The following ZNF831 variants were observed in gnomAD, a reference collection of about 807,000 sequenced individuals.
The protein encoded by ZNF831 is zinc finger protein 831, also known as chromosome 20 open reading frame 174.
ZNF831 carries 59 observed loss-of-function variants against 95.8 expected under a neutral mutation model. The ratio of observed to expected loss-of-function variants is 0.62; its 90% CI spans 0.50 to 0.77. The LOEUF (loss-of-function observed/expected upper bound fraction) is 0.77. ZNF831 is among the 30% of genes least tolerant of loss of function. ZNF831 has a pLI of 0.00. For synonymous variants in ZNF831, 961 were observed against 925.5 expected (o/e 1.04, Z -0.70); for missense variants, 2,205 against 2,164.0 (o/e 1.02, Z -0.38).
chr20:59,158,868 G>T (rs138382738), upstream of ZNF831, among the ~76,000 whole-genome samples: 301 of 152,174 alleles, frequency 2.0e-3, no homozygotes, highest in African/African-American at 7.0e-3. Context: ...TCTTACATGC[G>T]CACGGGGCAT....
chr20:59,161,377 A>G (rs180720913), upstream of ZNF831, among the ~76,000 whole-genome samples: 104 of 152,000 alleles, frequency 6.8e-4, 1 homozygote, highest in Middle Eastern at 3.4e-3. Context: ...TCCTGGGTTC[A>G]AGCTATTATC....
chr20:59,194,092 G>A lies in ZNF831; in HGVS notation c.3073G>A (p.Asp1025Asn), dbSNP rs768044968. Residue 1025 changes from aspartate to asparagine, a missense_variant, in exon 2 of 6, where the codon GAC becomes AAC. Coordinates refer to ENST00000371030, the MANE Select transcript of ZNF831 (RefSeq NM_178457.3). The stretch of plus-strand genomic sequence containing the variant: ...GAGAAAAGGGGCACAGTTGGGGGGG[G>A]ACAAGGGGGACAGGATGGCCACTAG... The part of the protein sequence containing the change: ...DGRKGAQLGG[D>N]KGDRMATSRP... 3 of 1,545,820 alleles carry A rather than the reference G, an allele frequency of 1.9e-6. No homozygotes were observed. Among genetic ancestry groups the A allele is most frequent in the East Asian group, 2.3e-5 (1 of 44,352 alleles).
rs746279070 is a variant in ZNF831, at chr20:59,254,018, C to T, written c.4309C>T (p.Pro1437Ser). 2 of 1,613,988 alleles carry T rather than the reference C, an allele frequency of 1.2e-6. No individual in the cohort carries two copies. Among genetic ancestry groups the T allele is most frequent in the Non-Finnish European group, 1.7e-6 (2 of 1,180,030 alleles). The change falls in exon 6 of 6, where the codon CCT becomes TCT. Residue 1437 changes from proline to serine, a missense_variant. Coordinates refer to ENST00000371030, the MANE Select transcript of ZNF831 (RefSeq NM_178457.3). The surrounding 1 kb of genome is among the most constrained non-coding windows in gnomAD (Gnocchi z 4.5). ...AGTGGTTAATGACGTGCCTCTACCC[C>T]CTGGCAAAGGTCTTGACCTTGGGTT... ...LAVVNDVPLP[P>S]GKGLDLGLLE...
chr20:59,211,164 T>G (rs1424405413), intron 4 of ZNF831, among the ~76,000 whole-genome samples: 1 of 151,682 alleles, frequency 6.6e-6, no homozygotes, highest in Non-Finnish European at 1.5e-5. Flanking sequence ...GGAACACAGC[T>G]CCACCACCCC....
intron 1 of ZNF831, among the ~76,000 whole-genome samples, chr20:59,133,085 C>T (rs1176384308): frequency 7.1e-5 from 3 of 42,364 alleles, no homozygotes; most frequent in African/African-American, 2.0e-4. Context: ...CGTAGGATCA[C>T]TTTGGGCAGT....
chr20:59,195,381 A>G (rs889197631), intron 2 of ZNF831, among the ~76,000 whole-genome samples: 1 of 152,166 alleles, frequency 6.6e-6, no homozygotes, highest in Non-Finnish European at 1.5e-5. Context: ...GGCCGCGGCC[A>G]CTGAGGACGG....
At chr20:59,167,323 G>A (rs1452846370) in intron 1 of ZNF831, among the ~76,000 whole-genome samples, 1 of 151,278 alleles carries the variant, frequency 6.6e-6, no homozygotes, top group East Asian at 1.9e-4. Context: ...GTTCTGTATA[G>A]ATTTTAAATA....
chr20:59,175,231 G>C (rs1456301808), intron 1 of ZNF831, among the ~76,000 whole-genome samples: 1 of 150,838 alleles, frequency 6.6e-6, no homozygotes, highest in Non-Finnish European at 1.5e-5. Context: ...CTGGTGGTGG[G>C]GGTGGGGGTG....
In ZNF831 at chr20:59,206,957, C is replaced by A. The variant is rs199609181; in HGVS notation, c.3928C>A (p.Arg1310Ser). Residue 1310 changes from arginine to serine, a missense_variant, in exon 4 of 6, where the codon CGC becomes AGC. By Grantham distance (110) the Arg-to-Ser change is moderately radical. Transcript: ENST00000371030. ...SCVQLRASRL[R>S]TPTWVRRRSR... is the part of the protein sequence containing the mutation. The stretch of plus-strand genomic sequence containing the variant: ...TGTTCAGCTGAGAGCCAGTAGACTT[C>A]GCACACCAACCTGGGTGCGAAGAAG... The A allele has an allele frequency of 1.2e-5, 19 of 1,614,106 alleles. No individual in the cohort carries two copies. The highest frequency in any genetic ancestry group is 8.3e-5 in the Admixed American group (5 of 60,004).
At chr20:59,189,627 G>A (rs373029729) in intron 1 of ZNF831, among the ~76,000 whole-genome samples, 2 of 152,138 alleles carry the variant, frequency 1.3e-5, no homozygotes, top group South Asian at 2.1e-4. Flanking sequence ...TTCTCCTGCC[G>A]TATCCTCCTG....
At chr20:59,167,286 T>G (rs1408675744) in intron 1 of ZNF831, among the ~76,000 whole-genome samples, 2 of 151,680 alleles carry the variant, frequency 1.3e-5, no homozygotes, top group Non-Finnish European at 2.9e-5. Flanking sequence ...TTGTTGTTGG[T>G]TTTTTTTTAA....
Position 59,257,037 on chromosome 20 carries a change from T to G in ZNF831, c.*2294T>G, listed in dbSNP as rs1300230203. 1 of 152,112 alleles carries G rather than the reference T, an allele frequency of 6.6e-6. No individual in the cohort carries two copies. The highest frequency in any genetic ancestry group is 1.5e-5 in the Non-Finnish European group (1 of 68,106). 9.4% of individuals were successfully genotyped at this position (152,112 alleles called of 1,614,324 possible). On this transcript the variant is annotated 3_prime_UTR_variant, in exon 6 of 6. Coordinates refer to ENST00000371030, the MANE Select transcript of ZNF831 (RefSeq NM_178457.3). ...TCCTTTCTGGGTGGCTACTGTGGAATCAACGGGGTCACTGGCTGTAAATCA... is the reference window on the plus strand; with the variant it reads ...TCCTTTCTGGGTGGCTACTGTGGAAGCAACGGGGTCACTGGCTGTAAATCA...
At chr20:59,127,233 A>G (rs547998186) in intron 1 of ZNF831, among the ~76,000 whole-genome samples, 7 of 152,100 alleles carry the variant, frequency 4.6e-5, no homozygotes, top group African/African-American at 9.6e-5. Context: ...TCGCACCTCC[A>G]TCACTGTCTC....
intron 4 of ZNF831, among the ~76,000 whole-genome samples, chr20:59,250,526 C>T (rs1040777558): frequency 6.6e-6 from 1 of 151,972 alleles, no homozygotes; most frequent in Non-Finnish European, 1.5e-5. Context: ...ACATAAGCAG[C>T]GAAGATTGCT....
In ZNF831 at chr20:59,225,119, G is replaced by T. The variant is rs546862359; in HGVS notation, c.4027+18063G>T. ...TCATTTAAGTAATATTCCATTATAGGTTCAATGCATGTATATTTTTTTTAA... is the reference window on the plus strand; with the variant it reads ...TCATTTAAGTAATATTCCATTATAGTTTCAATGCATGTATATTTTTTTTAA... On this transcript the variant is annotated intron_variant, in intron 4 of 5. Coordinates refer to ENST00000371030, the MANE Select transcript of ZNF831 (RefSeq NM_178457.3). Among the ~76,000 whole-genome samples, 3 of 152,048 alleles carry T rather than the reference G, an allele frequency of 2.0e-5. No individual in the cohort carries two copies. In the East Asian group the frequency reaches 5.8e-4, roughly 29 times the overall value.
chr20:59,244,538 G>A (rs536756186), intron 4 of ZNF831, among the ~76,000 whole-genome samples: 5 of 152,146 alleles, frequency 3.3e-5, no homozygotes, highest in Middle Eastern at 3.4e-3. Context: ...AACTGATAAC[G>A]CAATATCATG....
chr20:59,190,209 C>G (rs1209528215), intron 1 of ZNF831, among the ~76,000 whole-genome samples: 1 of 152,178 alleles, frequency 6.6e-6, no homozygotes, highest in Non-Finnish European at 1.5e-5. Context: ...CTAGTGGTGT[C>G]ACCAGATCAA....
At chr20:59,128,730 G>A (rs1979256245) in intron 1 of ZNF831, among the ~76,000 whole-genome samples, 1 of 152,154 alleles carries the variant, frequency 6.6e-6, no homozygotes, top group African/African-American at 2.4e-5. Context: ...GGTAAGAAAT[G>A]GATGTACTTT....
chr20:59,132,488 C>T (rs1384471708), intron 1 of ZNF831, among the ~76,000 whole-genome samples: 2 of 152,284 alleles, frequency 1.3e-5, no homozygotes, highest in East Asian at 3.9e-4. Flanking sequence ...TTCCCTGCAG[C>T]CTTGCCAAGC....
Sources: allele counts gnomAD v4.1 joint callset (sites outside exome capture counted in the v4.1 genomes callset), GRCh38; gene constraint gnomAD v4.1.1; non-coding constraint Gnocchi (gnomAD v3.1); transcripts MANE v1.5; gene names NCBI Gene and HGNC (gene_info 2026-07-23, HGNC 2026-07-21).